The following CLEC16A variants were observed in gnomAD, a reference collection of about 807,000 sequenced individuals.
The protein encoded by CLEC16A is C-type lectin domain containing 16A.
CLEC16A carries 51 observed loss-of-function variants against 109.5 expected under a neutral mutation model. The observed-to-expected ratio is 0.47, with a 90% CI of 0.37 to 0.59. The LOEUF is 0.59. Among genes scored for constraint, CLEC16A ranks in the 20% least tolerant of loss-of-function variants. CLEC16A has a pLI of 0.00. For missense variants in CLEC16A, 1,339 were observed against 1,394.0 expected, an observed-to-expected ratio of 0.96 and a Z score of 0.63; for synonymous variants, 673 against 564.2, an observed-to-expected ratio of 1.19 and a Z score of -2.73.
At chr16:11,107,708 C>T (rs971655965) in intron 19 of CLEC16A, among the ~76,000 whole-genome samples, 3 of 152,222 alleles carry the variant, frequency 2.0e-5, no homozygotes, top group Non-Finnish European at 2.9e-5. Context: ...CCTTGTCACT[C>T]CAGCTCTGCT....
intron 22 of CLEC16A, among the ~76,000 whole-genome samples, chr16:11,140,174 C>T (rs1368678409): frequency 6.6e-6 from 1 of 152,144 alleles, no homozygotes; most frequent in African/African-American, 2.4e-5. Context: ...ACCTACGTGC[C>T]CCTTTGTTGT....
intron 16 of CLEC16A, among the ~76,000 whole-genome samples, chr16:11,046,474 G>A (rs193159682): frequency 0.011 from 1,733 of 151,462 alleles, 33 homozygotes; most frequent in African/African-American, 0.04. Context: ...AGTGTGGGGT[G>A]TGTGTGTGTG....
intron 11 of CLEC16A, among the ~76,000 whole-genome samples, chr16:11,007,707 A>C (rs2045114936): frequency 6.6e-6 from 1 of 152,194 alleles, no homozygotes; most frequent in South Asian, 2.1e-4. Flanking sequence ...CTTGGGCACC[A>C]AGCACGTTTC....
intron 7 of CLEC16A, among the ~76,000 whole-genome samples, chr16:10,973,327 A>G (rs1295637738): frequency 6.6e-6 from 1 of 152,200 alleles, no homozygotes; most frequent in African/African-American, 2.4e-5. Context: ...GAGAAGGTCA[A>G]GGGGCTCTGT....
intron 22 of CLEC16A, 62 bp from the exon 23 acceptor site, chr16:11,166,326 A>G: frequency 6.6e-7 from 1 of 1,504,952 alleles, no homozygotes; most frequent in Non-Finnish European, 8.9e-7. Context: ...TGGAACCATG[A>G]CATTGAGGCC....
chr16:11,079,076 CCA>C (rs2049556505), intron 19 of CLEC16A, among the ~76,000 whole-genome samples: 1 of 152,170 alleles, frequency 6.6e-6, no homozygotes, highest in Admixed American at 6.5e-5. Flanking sequence ...CCCTGCAGCC[CCA>C]CACACAGCTA....
At chr16:10,958,236 C>G (rs1158440141) in intron 2 of CLEC16A, among the ~76,000 whole-genome samples, 2 of 152,172 alleles carry the variant, frequency 1.3e-5, no homozygotes, top group Non-Finnish European at 2.9e-5. Flanking sequence ...GAACAGAAGG[C>G]CTGTGCCCTG....
intron 22 of CLEC16A, among the ~76,000 whole-genome samples, chr16:11,146,895 C>T (rs545225815): frequency 6.6e-6 from 1 of 152,278 alleles, no homozygotes; most frequent in South Asian, 2.1e-4. Flanking sequence ...CTTTGGAGCT[C>T]ATGGGCACTG....
intron 22 of CLEC16A, chr16:11,156,736 G>C: frequency 8.5e-7 from 1 of 1,169,592 alleles, no homozygotes; most frequent in Non-Finnish European, 1.2e-6. Flanking sequence ...TGGGTCCTTG[G>C]GAATCAAGCC....
Position 11,003,303 on chromosome 16 carries a change from A to G in CLEC16A, c.1301A>G (p.Glu434Gly). The change falls in exon 11 of 24, where the codon GAA becomes GGA. Residue 434 changes from glutamate (E) to glycine (G), a missense_variant and splice_region_variant. This residue lies in a region of CLEC16A where 1,061 missense variants were observed against 1,006.8 expected (regional missense o/e 1.05). Coordinates refer to ENST00000409790, the MANE Select transcript of CLEC16A (RefSeq NM_015226.3). ...GGCATCAAGACGAGTGGGGAGAGTGAAGGTGAGTGTCCCCATGAACGCCGC... is the reference window on the plus strand; with the variant it reads ...GGCATCAAGACGAGTGGGGAGAGTGGAGGTGAGTGTCCCCATGAACGCCGC... Reference protein sequence around the residue: ...SKGIKTSGESEEIEMVIMERS... With the variant: ...SKGIKTSGESGEIEMVIMERS... 1 of 1,610,844 alleles carries G rather than the reference A, an allele frequency of 6.2e-7. No homozygotes were observed. The highest frequency in any genetic ancestry group is 8.5e-7 in the Non-Finnish European group (1 of 1,178,888).
intron 22 of CLEC16A, among the ~76,000 whole-genome samples, chr16:11,130,411 C>G (rs183022286): frequency 7.9e-4 from 120 of 152,332 alleles, no homozygotes; most frequent in African/African-American, 2.6e-3. Context: ...CCGAGAAGAC[C>G]TTAAGCAGCA....
At chr16:10,979,854 T>G (rs923336726) in intron 9 of CLEC16A, among the ~76,000 whole-genome samples, 9 of 152,190 alleles carry the variant, frequency 5.9e-5, no homozygotes, top group African/African-American at 2.2e-4. Context: ...GATTACCGTG[T>G]GGAAGGAATC....
intron 23 of CLEC16A, among the ~76,000 whole-genome samples, chr16:11,167,184 A>T (rs1464652133): frequency 1.3e-5 from 2 of 152,182 alleles, no homozygotes; most frequent in Admixed American, 6.5e-5. Flanking sequence ...TCGCTGTGTG[A>T]GATGTGGGGA....
rs780321769 is a variant in CLEC16A, at chr16:11,120,689, A to G, written c.2191A>G (p.Ile731Val). ...GGTCCAGCGATTCCTGGCTGTGGAT[A>G]TTTACCAGATGAGTTTGGTGGAGCC... Reference protein sequence around the residue: ...GMVQRFLAVDIYQMSLVEPDV... With the variant: ...GMVQRFLAVDVYQMSLVEPDV... The change falls in exon 20 of 24, where the codon ATT (isoleucine) becomes GTT (valine). Residue 731 changes from isoleucine (I) to valine (V), a missense_variant. Transcript: ENST00000409790. 3.7e-6 allele frequency: 6 copies of G among 1,611,962 alleles called. No individual in the cohort carries two copies. The African/African-American group carries it at 8.0e-5, about 22-fold the overall frequency.
intron 11 of CLEC16A, among the ~76,000 whole-genome samples, chr16:11,012,590 G>C (rs142189928): frequency 2.3e-5 from 2 of 86,502 alleles, no homozygotes; most frequent in Admixed American, 3.2e-4. Context: ...GTGAGACTCC[G>C]TCTCAAAAAA....
chr16:10,950,947 G>T (rs2041698859), intron 1 of CLEC16A, among the ~76,000 whole-genome samples: 1 of 152,198 alleles, frequency 6.6e-6, no homozygotes, highest in Middle Eastern at 3.2e-3. Flanking sequence ...ATGGTGCAAG[G>T]CATAGCACGT....
Position 11,039,666 on chromosome 16 carries a change from T to G in CLEC16A, c.1538-88T>G, listed in dbSNP as rs7201658. On this transcript the variant is annotated intron_variant, in intron 13 of 23. Coordinates refer to ENST00000409790, the MANE Select transcript of CLEC16A (RefSeq NM_015226.3). Reference sequence around the variant, plus strand: ...AAGAGGGAACATATGTGGCTGAAGTTGAGGAAACCCCACTCTACAGGACCT... The same window carrying G: ...AAGAGGGAACATATGTGGCTGAAGTGGAGGAAACCCCACTCTACAGGACCT... The G allele has an allele frequency of 0.02, 28,443 of 1,412,948 alleles. 4,961 individuals are homozygous for G. In the African/African-American group the frequency reaches 0.37, roughly 18 times the overall value. 87.5% of individuals were successfully genotyped at this position (1,412,948 alleles called of 1,614,324 possible). A position where few individuals can be genotyped will look rare whatever the true frequency, so the allele number is the denominator to read the frequency against.
Position 11,027,096 on chromosome 16 carries a change from G to A in CLEC16A, c.1537+2175G>A. ...CCTGAAAAAGAGGAAGGCTTATCAG[G>A]CACTCAAAGCCACCCAGGCAAAGCA... is the stretch of plus-strand genomic sequence containing the variant. On this transcript the variant is annotated intron_variant, in intron 13 of 23. Coordinates refer to ENST00000409790, the MANE Select transcript of CLEC16A (RefSeq NM_015226.3). The A allele has an allele frequency of 2.6e-6, 4 of 1,535,362 alleles. No individual in the cohort carries two copies. In the Admixed American group the frequency reaches 6.7e-5, roughly 26 times the overall value.
rs145026982 is a variant in CLEC16A, at chr16:10,948,108, T to C, written c.80+3311T>C. Among the ~76,000 whole-genome samples, 421 of 152,296 alleles carry C rather than the reference T, an allele frequency of 2.8e-3. 2 individuals carry two copies. Among genetic ancestry groups the C allele is most frequent in the African/African-American group, 9.4e-3 (392 of 41,566 alleles). On this transcript the variant is annotated intron_variant, in intron 1 of 23. Transcript: ENST00000409790. ...CGGGGTTTCACCGTGTTAGCCAGGA[T>C]GGTCTCGATCTCCTGACCTTGTGAT...
Sources: gnomAD v4.1 joint callset for allele counts (sites outside exome capture counted in the v4.1 genomes callset) on GRCh38, gnomAD v4.1.1 for gene constraint, gnomAD v4.1.1 regional missense constraint, MANE v1.5 for transcripts, NCBI Gene and HGNC (gene_info 2026-07-23, HGNC 2026-07-21) for gene names.